Variants in ENPP1 observed in about 807,000 individuals in gnomAD.
ENPP1 encodes the protein ectonucleotide pyrophosphatase/phosphodiesterase 1.
Under a neutral mutation model 122.8 loss-of-function variants are expected in ENPP1, and 73 were observed. The ratio of observed to expected loss-of-function variants is 0.59; its 90% confidence interval spans 0.49 to 0.72. The LOEUF is 0.72. Ranked by LOEUF, ENPP1 falls within the 30% of genes least tolerant of loss-of-function variation. ENPP1 has a pLI of 0.00. For synonymous variants in ENPP1, 367 were observed against 391.6 expected (o/e 0.94, Z 0.74); for missense variants, 978 against 1,128.1 (o/e 0.87, Z 1.91).
chr6:131,836,335 A>G (rs547494685), intron 1 of ENPP1, among the ~76,000 whole-genome samples: 96 of 152,122 alleles, frequency 6.3e-4, no homozygotes, highest in African/African-American at 2.3e-3. Flanking sequence ...GCTGGTCTTG[A>G]ACTCCTGACC....
intron 24 of ENPP1, among the ~76,000 whole-genome samples, chr6:131,887,988 A>G (rs1782410706): frequency 6.7e-6 from 1 of 148,692 alleles, no homozygotes; most frequent in South Asian, 2.1e-4. Flanking sequence ...AGCCTCCCGA[A>G]TAGCTGGGAT....
chr6:131,820,991 A>C (rs1418804315), intron 1 of ENPP1, among the ~76,000 whole-genome samples: 1 of 152,186 alleles, frequency 6.6e-6, no homozygotes, highest in Non-Finnish European at 1.5e-5. Flanking sequence ...GCCCTGAATA[A>C]GTGGTTTTTT....
intron 1 of ENPP1, chr6:131,827,446 A>G (rs1020729752): frequency 1.6e-5 from 11 of 669,910 alleles, no homozygotes; most frequent in African/African-American, 3.6e-5. Flanking sequence ...GTCAGACTGT[A>G]GAGTACATCC....
At chr6:131,819,435 A>G (rs1442210874) in intron 1 of ENPP1, among the ~76,000 whole-genome samples, 1 of 152,242 alleles carries the variant, frequency 6.6e-6, no homozygotes, top group African/African-American at 2.4e-5. Context: ...AAAAGGTGAC[A>G]CTAAATGTTA....
intron 1 of ENPP1, among the ~76,000 whole-genome samples, chr6:131,810,342 G>A (rs971657275): frequency 1.1e-4 from 16 of 152,042 alleles, no homozygotes; most frequent in African/African-American, 3.6e-4. Context: ...TGGGTGACAC[G>A]GTGAGACCCT....
chr6:131,847,900 T>G, intron 2 of ENPP1, 52 bp downstream of exon 2: 1 of 1,300,518 alleles, frequency 7.7e-7, no homozygotes, highest in Non-Finnish European at 1.1e-6. Flanking sequence ...TGTGTATGTG[T>G]GTGCACAGCC....
At chr6:131,851,338 T>TATCTTTTATATTAGGAGTC in intron 4 of ENPP1, 71 bp downstream of exon 4, 1 of 1,594,160 alleles carries the variant, frequency 6.3e-7, no homozygotes, top group Non-Finnish European at 8.6e-7. Flanking sequence ...ACATAGGTGT[T>TATCTTTTATATTAGGAGTC]ATCTTTTATA....
intron 1 of ENPP1, chr6:131,820,547 C>A (rs1359341890): frequency 6.6e-6 from 1 of 152,248 alleles, no homozygotes; most frequent in Non-Finnish European, 1.5e-5. Flanking sequence ...CACTCCCCTG[C>A]TAGAACCTCC....
At chr6:131,841,440 A>G (rs1330415717) in intron 1 of ENPP1, among the ~76,000 whole-genome samples, 1 of 152,198 alleles carries the variant, frequency 6.6e-6, no homozygotes, top group Admixed American at 6.5e-5. Flanking sequence ...ACATTGGAAT[A>G]CCACATCCAG....
rs1487014157 is a variant in ENPP1 at position 131,893,212 on chromosome 6, TA to T, written c.*2703del. The stretch of plus-strand genomic sequence containing the variant: ...TAACTCAAAGCATCTTAGCAGAGCT[TA>T]ATTAAATGGATAGATGTCTGTTCCC... On this transcript the variant is annotated 3_prime_UTR_variant, in exon 25 of 25. Transcript: ENST00000647893. 6.6e-6 allele frequency: 1 copy of T among 152,200 alleles called. No homozygotes were observed. Among genetic ancestry groups the T allele is most frequent in the Non-Finnish European group, 1.5e-5 (1 of 68,020 alleles). 9.4% of individuals were successfully genotyped at this position (152,200 alleles called of 1,614,324 possible). A position where few individuals can be genotyped will look rare whatever the true frequency, so the allele number is the denominator to read the frequency against.
intron 5 of ENPP1, among the ~76,000 whole-genome samples, chr6:131,852,690 G>A (rs1445440730): frequency 2.0e-5 from 3 of 152,212 alleles, no homozygotes; most frequent in South Asian, 4.2e-4. Flanking sequence ...CTTTGGTATT[G>A]AAGAATGCTA....
chr6:131,858,594 T>C (rs1288913486), intron 6 of ENPP1, 74 bp from the exon 7 acceptor site: 1 of 922,474 alleles, frequency 1.1e-6, no homozygotes, highest in African/African-American at 1.6e-5. Flanking sequence ...TAGACTGCTG[T>C]GGTACCACTG....
In ENPP1 at chr6:131,882,328, T is replaced by C. The variant is rs747456106; in HGVS notation, c.2101-17T>C. The C allele has an allele frequency of 1.3e-6, 2 of 1,556,472 alleles. No individual in the cohort carries two copies. The highest frequency in any genetic ancestry group is 1.7e-6 in the Non-Finnish European group (2 of 1,162,408). ...TGTGCCTGATATCTGAGAGTTCTTC[T>C]CATTTTCGTTCTTCAGGACAGTTTC... On this transcript the variant is annotated splice_polypyrimidine_tract_variant and intron_variant, in intron 20 of 24. Coordinates refer to ENST00000647893, the MANE Select transcript of ENPP1 (RefSeq NM_006208.3).
At chr6:131,861,741 A>G (rs778393893) in intron 9 of ENPP1, 37 bp downstream of exon 9, 1 of 1,112,588 alleles carries the variant, frequency 9.0e-7, no homozygotes, top group Non-Finnish European at 1.4e-6. Flanking sequence ...TCTGTAATAT[A>G]GAACAGCTTA....
At chr6:131,810,329 G>T (rs1486583038) in intron 1 of ENPP1, among the ~76,000 whole-genome samples, 1 of 152,172 alleles carries the variant, frequency 6.6e-6, no homozygotes, top group Non-Finnish European at 1.5e-5. Context: ...CTGCACTTCA[G>T]CTTGGGTGAC....
rs201519006 is a variant in ENPP1 at position 131,869,436 on chromosome 6, A to G, written c.1352A>G (p.Tyr451Cys). 1.5e-4 allele frequency: 249 copies of G among 1,613,074 alleles called. No individual in the cohort carries two copies. The East Asian group carries it at 3.2e-3, about 21-fold the overall frequency. ...LGDVKNIKVI[Y>C]GPAARLRPSD... is the part of the protein sequence containing the mutation. ...GATGTTAAAAATATTAAAGTTATCTATGGACCTGCAGCTCGATTGAGACCC... is the reference window on the plus strand; with the variant it reads ...GATGTTAAAAATATTAAAGTTATCTGTGGACCTGCAGCTCGATTGAGACCC... The change falls in exon 13 of 25, where the codon TAT becomes TGT. Residue 451 changes from tyrosine to cysteine, a missense_variant. Around this residue, in one of 3 missense-constraint regions of ENPP1, gnomAD observed 644 missense variants for 781.5 expected, o/e 0.82. Transcript: ENST00000647893.
At position 131,847,784 on chromosome 6, in the gene ENPP1, A is replaced by G. The variant is rs1419728958; in HGVS notation, c.249A>G (p.Ser83=). 2 of 1,607,770 alleles carry G rather than the reference A, an allele frequency of 1.2e-6. No homozygotes were observed. The highest frequency in any genetic ancestry group is 3.3e-5 in the Admixed American group (2 of 59,986). The part of the protein sequence containing the change: ...NTYKVLSLVL[S]VCVLTTILGC... Reference sequence around the variant, plus strand: ...CTCTTTTCTCCCTACAGGTATTGTCAGTATGTGTGTTAACAACAATACTTG... The same window carrying G: ...CTCTTTTCTCCCTACAGGTATTGTCGGTATGTGTGTTAACAACAATACTTG... Residue 83 remains serine, a synonymous_variant, in exon 2 of 25, where the codon TCA becomes TCG. Transcript: ENST00000647893.
chr6:131,856,801 GGT>G (rs1781952988), intron 6 of ENPP1, among the ~76,000 whole-genome samples: 2 of 150,732 alleles, frequency 1.3e-5, no homozygotes, highest in South Asian at 4.2e-4. Context: ...GATAGTTGTA[GGT>G]ATGTGGCATT....
chr6:131,838,576 C>T (rs1781704037), intron 1 of ENPP1, among the ~76,000 whole-genome samples: 8 of 149,742 alleles, frequency 5.3e-5, no homozygotes, highest in Admixed American at 5.3e-4. Context: ...TCTAAGCATC[C>T]ATATTAACAG....
Sources: allele counts gnomAD v4.1 joint callset (sites outside exome capture counted in the v4.1 genomes callset), GRCh38; gene constraint gnomAD v4.1.1; regional missense constraint gnomAD v4.1.1; transcripts MANE v1.5; gene names NCBI Gene and HGNC (gene_info 2026-07-23, HGNC 2026-07-21).